Variants in SPTBN1 observed in about 807,000 individuals in gnomAD.
SPTBN1 encodes spectrin beta, non-erythrocytic 1.
SPTBN1 carries 32 observed loss-of-function variants against 266.4 expected under a neutral mutation model. The ratio of observed to expected loss-of-function variants is 0.12; its 90% confidence interval spans 0.09 to 0.16. The LOEUF (loss-of-function observed/expected upper bound fraction) is 0.16. SPTBN1 is among the 10% of genes least tolerant of loss of function. The pLI, the probability that SPTBN1 is intolerant of heterozygous loss-of-function variation, is 1.00. For missense variants in SPTBN1, 2,296 were observed against 3,067.1 expected (o/e 0.75, Z 5.94); for synonymous variants, 1,336 against 1,162.2 (o/e 1.15, Z -3.04).
At chr2:54,607,201 C>A (rs1249672444) in intron 3 of SPTBN1, among the ~76,000 whole-genome samples, 2 of 152,092 alleles carry the variant, frequency 1.3e-5, no homozygotes, top group Non-Finnish European at 2.9e-5. Flanking sequence ...AGAAAATATT[C>A]AAGGGGAAGA....
chr2:54,487,557 T>G (rs1668465148), intron 1 of SPTBN1, among the ~76,000 whole-genome samples: 1 of 152,196 alleles, frequency 6.6e-6, no homozygotes, highest in South Asian at 2.1e-4. Flanking sequence ...CTCAGACATG[T>G]GTTCACAAAG....
intron 1 of SPTBN1, among the ~76,000 whole-genome samples, chr2:54,462,038 G>A (rs1693393556): frequency 6.6e-6 from 1 of 152,318 alleles, no homozygotes; most frequent in African/African-American, 2.4e-5. Flanking sequence ...TCCTAATGGT[G>A]TTGTATACTA....
chr2:54,652,642 T>A (rs1680372353), intron 26 of SPTBN1: 2 of 151,964 alleles, frequency 1.3e-5, no homozygotes, highest in South Asian at 4.1e-4. Flanking sequence ...CATTTATAAT[T>A]TTCATGGGTA....
intron 1 of SPTBN1, among the ~76,000 whole-genome samples, chr2:54,498,628 A>G (rs150206467): frequency 1.9e-3 from 292 of 152,332 alleles, no homozygotes; most frequent in African/African-American, 6.9e-3. Context: ...TTCCTAAATA[A>G]CGCAACTATA....
intron 1 of SPTBN1, among the ~76,000 whole-genome samples, chr2:54,460,410 A>G (rs1019183444): frequency 2.6e-5 from 4 of 152,142 alleles, no homozygotes; most frequent in Non-Finnish European, 4.4e-5. Context: ...CCTATATACC[A>G]TGGTTTATTT....
intron 2 of SPTBN1, among the ~76,000 whole-genome samples, chr2:54,556,685 GTGTT>G (rs1411308315): frequency 5.9e-5 from 9 of 152,058 alleles, no homozygotes; most frequent in South Asian, 2.1e-4. Context: ...GTGTGTGTGT[GTGTT>G]TGTGTGTGTG....
At chr2:54,632,111 T>G (rs1462899326) in intron 16 of SPTBN1, among the ~76,000 whole-genome samples, 2 of 145,784 alleles carry the variant, frequency 1.4e-5, no homozygotes, top group African/African-American at 5.1e-5. Flanking sequence ...ACGGTGAGGA[T>G]TTTTTTTTTT....
intron 1 of SPTBN1, among the ~76,000 whole-genome samples, chr2:54,476,535 G>T (rs1247912777): frequency 6.6e-6 from 1 of 152,150 alleles, no homozygotes; most frequent in Admixed American, 6.5e-5. Context: ...GGTCGTCTCC[G>T]AGCTGTTGTA....
At chr2:54,557,719 T>G in intron 2 of SPTBN1, 1 of 985,448 alleles carries the variant, frequency 1.0e-6, no homozygotes, top group Middle Eastern at 5.2e-4. Context: ...CCATAAATCT[T>G]CCTTGCGTCG....
intron 7 of SPTBN1, among the ~76,000 whole-genome samples, 192 bp from the exon 8 acceptor site, chr2:54,621,208 A>C (rs112123882): frequency 1.3e-5 from 2 of 152,166 alleles, no homozygotes; most frequent in Non-Finnish European, 2.9e-5. Context: ...ATATTCACAT[A>C]ATGGGGAATC....
chr2:54,500,535 A>G (rs1267638875), intron 1 of SPTBN1, among the ~76,000 whole-genome samples: 2 of 151,960 alleles, frequency 1.3e-5, no homozygotes, highest in South Asian at 2.1e-4. Context: ...CCTTGGCTGG[A>G]TATTTTATTT....
intron 33 of SPTBN1, 97 bp from the exon 34 acceptor site, chr2:54,665,818 T>G (rs1558485733): frequency 7.1e-7 from 1 of 1,406,028 alleles, no homozygotes. Flanking sequence ...CACTGTGTTG[T>G]GTGAGGATCA....
chr2:54,626,880 C>A lies in SPTBN1; in HGVS notation c.1644+646C>A, dbSNP rs1173258594. On this transcript the variant is annotated intron_variant, in intron 12 of 35. Transcript: ENST00000356805. The surrounding 1 kb of genome is among the most constrained non-coding windows in gnomAD (Gnocchi z 4.7). ...TCTTAGCATAGAGTTCCAACCTTTC[C>A]CCCTTCCCAGGAAGAGACCTGCTAT... Among the ~76,000 whole-genome samples the A allele has an allele frequency of 6.6e-6, 1 of 152,184 alleles. No individual in the cohort carries two copies. Among genetic ancestry groups the A allele is most frequent in the South Asian group, 2.1e-4 (1 of 4,822 alleles).
At chr2:54,486,008 C>T (rs1181605923) in intron 1 of SPTBN1, among the ~76,000 whole-genome samples, 3 of 113,302 alleles carry the variant, frequency 2.6e-5, no homozygotes, top group Non-Finnish European at 5.7e-5. Context: ...CGCCCCGTCC[C>T]GGAGGTGAGG....
intron 2 of SPTBN1, chr2:54,527,726 C>A (rs1393747551): frequency 1.3e-5 from 2 of 152,204 alleles, no homozygotes; most frequent in East Asian, 1.9e-4. Flanking sequence ...CTATGGACAT[C>A]CAGCAGAAAA....
intron 1 of SPTBN1, among the ~76,000 whole-genome samples, chr2:54,472,887 A>G (rs1694000109): frequency 6.6e-6 from 1 of 152,254 alleles, no homozygotes; most frequent in Admixed American, 6.5e-5. Context: ...AGATGGAAAC[A>G]GTGAGTTAAC....
chr2:54,471,887 T>G (rs545735778), intron 1 of SPTBN1, among the ~76,000 whole-genome samples: 2 of 149,400 alleles, frequency 1.3e-5, no homozygotes, highest in African/African-American at 2.5e-5. Context: ...TAACATCTTA[T>G]GTTGAATGAT....
At chr2:54,474,915 G>T (rs773292155) in intron 1 of SPTBN1, among the ~76,000 whole-genome samples, 19 of 152,192 alleles carry the variant, frequency 1.2e-4, no homozygotes, top group Non-Finnish European at 2.4e-4. Context: ...GCTCATGCCT[G>T]TAATCCCAGC....
chr2:54,552,683 C>G (rs968199770), intron 2 of SPTBN1, among the ~76,000 whole-genome samples: 1 of 152,176 alleles, frequency 6.6e-6, no homozygotes, highest in Non-Finnish European at 1.5e-5. Flanking sequence ...TCTCCACCTC[C>G]TGACCTCGTG....
Sources: gnomAD v4.1 joint callset for allele counts (sites outside exome capture counted in the v4.1 genomes callset) on GRCh38, gnomAD v4.1.1 for gene constraint, Gnocchi (gnomAD v3.1) non-coding constraint, MANE v1.5 for transcripts, NCBI Gene and HGNC (gene_info 2026-07-23, HGNC 2026-07-21) for gene names.